The following NTM variants were observed in gnomAD, a reference collection of about 807,000 sequenced individuals.
NTM encodes neurotrimin, also known as IgLON family member 2.
Under a neutral mutation model 42.1 loss-of-function variants are expected in NTM, and 13 were observed. The observed-to-expected ratio is 0.31, with a 90% CI of 0.20 to 0.49. NTM has a LOEUF of 0.49. Among genes scored for constraint, NTM ranks in the 20% least tolerant of loss-of-function variants. The probability of loss-of-function intolerance (pLI) is 0.99; values close to 1 mark genes in which losing one functional copy is unlikely to be tolerated. For synonymous variants in NTM, 187 were observed against 179.2 expected, an observed-to-expected ratio of 1.04 and a Z score of -0.35; for missense variants, 373 against 452.8, an observed-to-expected ratio of 0.82 and a Z score of 1.60.
At chr11:131,685,446 C>T (rs867265234) in intron 1 of NTM, among the ~76,000 whole-genome samples, 5 of 152,184 alleles carry the variant, frequency 3.3e-5, no homozygotes, top group African/African-American at 9.7e-5. Context: ...TCTCTGATCC[C>T]GTCTGTTTCT....
chr11:131,620,572 C>T (rs1444657163), intron 1 of NTM, among the ~76,000 whole-genome samples: 1 of 152,146 alleles, frequency 6.6e-6, no homozygotes, highest in African/African-American at 2.4e-5. Context: ...TCTTGCTGTC[C>T]CTCAAACACA....
intron 4 of NTM, among the ~76,000 whole-genome samples, chr11:132,224,231 A>G (rs376909657): frequency 6.6e-6 from 1 of 151,950 alleles, no homozygotes; most frequent in East Asian, 1.9e-4. Flanking sequence ...CCGAGGAGGC[A>G]CTCCCCTCAG....
chr11:131,424,861 G>A (rs1441335156), intron 1 of NTM, among the ~76,000 whole-genome samples: 10 of 147,442 alleles, frequency 6.8e-5, no homozygotes, highest in Non-Finnish European at 9.0e-5. Flanking sequence ...GAGCCACCAC[G>A]CCCAGCTTTT....
chr11:131,798,977 G>C (rs763529816), intron 1 of NTM, among the ~76,000 whole-genome samples: 4 of 152,182 alleles, frequency 2.6e-5, no homozygotes, highest in Non-Finnish European at 4.4e-5. Context: ...CCAGCAATTA[G>C]CTCAGTGTAA....
chr11:131,614,717 T>C (rs770904516), intron 1 of NTM, among the ~76,000 whole-genome samples: 8 of 152,248 alleles, frequency 5.3e-5, no homozygotes, highest in Non-Finnish European at 1.0e-4. Context: ...CCATTGTCTG[T>C]CTCAGACAGT....
intron 2 of NTM, among the ~76,000 whole-genome samples, chr11:131,965,104 T>A (rs2062666206): frequency 6.6e-6 from 1 of 151,808 alleles, no homozygotes; most frequent in Non-Finnish European, 1.5e-5. Flanking sequence ...TAGGGGAGCA[T>A]CGCAGAATGA....
intron 1 of NTM, among the ~76,000 whole-genome samples, chr11:131,401,331 C>T (rs998394709): frequency 6.6e-6 from 1 of 152,012 alleles, no homozygotes; most frequent in African/African-American, 2.4e-5. Context: ...GAAGTCTCTT[C>T]TTAGTTGTTT....
intron 2 of NTM, among the ~76,000 whole-genome samples, chr11:131,921,186 A>G (rs2057169534): frequency 1.3e-5 from 2 of 152,220 alleles, no homozygotes; most frequent in Admixed American, 6.5e-5. Context: ...ATAGCTTACA[A>G]TGTGACTTTA....
intron 3 of NTM, among the ~76,000 whole-genome samples, chr11:132,169,782 C>A (rs888238088): frequency 6.6e-6 from 1 of 152,126 alleles, no homozygotes; most frequent in African/African-American, 2.4e-5. Flanking sequence ...TCTGGCAGGA[C>A]TGGGGTATGT....
intron 1 of NTM, among the ~76,000 whole-genome samples, chr11:131,821,681 C>A (rs181175283): frequency 6.6e-6 from 1 of 152,294 alleles, no homozygotes; most frequent in Non-Finnish European, 1.5e-5. Flanking sequence ...CTTTAAAATG[C>A]ATGCTTTGCT....
intron 4 of NTM, among the ~76,000 whole-genome samples, chr11:132,217,504 CAA>C (rs999108786): frequency 2.6e-5 from 4 of 151,776 alleles, no homozygotes; most frequent in African/African-American, 9.7e-5. Flanking sequence ...GGTTAGAGAT[CAA>C]AAGAGATCTT....
chr11:132,124,415 G>A (rs1286468200), intron 2 of NTM, among the ~76,000 whole-genome samples: 1 of 152,176 alleles, frequency 6.6e-6, no homozygotes, highest in Non-Finnish European at 1.5e-5. Context: ...GAAGCTCTTG[G>A]CACCTGCGCC....
At chr11:132,226,549 AT>A (rs2086334325) in intron 4 of NTM, among the ~76,000 whole-genome samples, 1 of 151,702 alleles carries the variant, frequency 6.6e-6, no homozygotes, top group South Asian at 2.1e-4. Context: ...CCACTTTTTG[AT>A]GGGGTTGTTT....
intron 1 of NTM, among the ~76,000 whole-genome samples, chr11:131,679,624 C>T (rs1316480303): frequency 6.6e-6 from 1 of 151,574 alleles, no homozygotes; most frequent in Non-Finnish European, 1.5e-5. Context: ...TGTCCAGTTT[C>T]TCCCATTTCC....
chr11:131,590,537 A>T (rs2458786), intron 1 of NTM, among the ~76,000 whole-genome samples: 22,296 of 152,234 alleles, frequency 0.15, 4,573 homozygotes, highest in African/African-American at 0.46. Flanking sequence ...GTGCCAAGCC[A>T]GGTGTCCCCT....
intron 2 of NTM, among the ~76,000 whole-genome samples, chr11:132,106,918 A>G (rs1217107766): frequency 1.3e-5 from 2 of 152,162 alleles, no homozygotes. Context: ...GTTAGGAAGC[A>G]TGTACCTAGA....
In NTM at chr11:131,669,894, C is replaced by T. The variant is rs115630506; in HGVS notation, c.83-241670C>T. 5.5e-3 allele frequency among the ~76,000 whole-genome samples: 832 copies of T among 152,204 alleles called. 7 individuals are homozygous for T. The highest frequency in any genetic ancestry group is 0.019 in the African/African-American group (793 of 41,502). On this transcript the variant is annotated intron_variant, in intron 1 of 8. Transcript: ENST00000683400. ...CTGAAGATTTGAGCGATCTCTTGCC[C>T]ACAAAGGGGCCGGATAAGTCATTTG...
chr11:131,840,429 C>A (rs899000640), intron 1 of NTM, among the ~76,000 whole-genome samples: 14 of 152,048 alleles, frequency 9.2e-5, no homozygotes, highest in African/African-American at 2.7e-4. Flanking sequence ...TCACACGCTG[C>A]CGATGGACCA....
intron 4 of NTM, among the ~76,000 whole-genome samples, chr11:132,233,629 C>T (rs559697548): frequency 6.6e-6 from 1 of 152,214 alleles, no homozygotes; most frequent in African/African-American, 2.4e-5. Flanking sequence ...CAGCCATGCC[C>T]ATTTGTTTAT....
Sources: allele counts gnomAD v4.1 joint callset (sites outside exome capture counted in the v4.1 genomes callset), GRCh38; gene constraint gnomAD v4.1.1; transcripts MANE v1.5; gene names NCBI Gene and HGNC (gene_info 2026-07-23, HGNC 2026-07-21).